UCHL3: variants seen among roughly 807,000 people sequenced by gnomAD.
The protein encoded by UCHL3 is ubiquitin C-terminal hydrolase L3, also known as ubiquitin carboxyl-terminal hydrolase isozyme L3.
UCHL3 carries 22 observed loss-of-function variants against 35.8 expected under a neutral mutation model. The observed-to-expected ratio is 0.61, with a 90% confidence interval of 0.44 to 0.88. The LOEUF is 0.88. UCHL3 is among the 40% of genes least tolerant of loss of function. The pLI is 0.00. For synonymous variants in UCHL3, 90 were observed against 92.8 expected, an observed-to-expected ratio of 0.97 and a Z score of 0.17; for missense variants, 229 against 276.9, an observed-to-expected ratio of 0.83 and a Z score of 1.23.
At chr13:75,568,934 C>G (rs1055329692) in intron 5 of UCHL3, among the ~76,000 whole-genome samples, 1 of 152,022 alleles carries the variant, frequency 6.6e-6, no homozygotes, top group East Asian at 1.9e-4. Flanking sequence ...ATAGTGGGTA[C>G]TATAAGAGTG....
intron 6 of UCHL3, chr13:75,589,909 G>A: frequency 3.1e-6 from 4 of 1,289,018 alleles, no homozygotes; most frequent in Non-Finnish European, 4.1e-6. Flanking sequence ...CGTGGTCTAA[G>A]TAAAATATTC....
chr13:75,587,895 A>G (rs1330042249), intron 6 of UCHL3, among the ~76,000 whole-genome samples: 1 of 152,116 alleles, frequency 6.6e-6, no homozygotes, highest in Non-Finnish European at 1.5e-5. Flanking sequence ...GGTTTCCCCC[A>G]GCTCAGTATT....
chr13:75,562,276 T>G (rs1216580666), intron 3 of UCHL3, among the ~76,000 whole-genome samples: 1 of 152,118 alleles, frequency 6.6e-6, no homozygotes, highest in African/African-American at 2.4e-5. Flanking sequence ...AATTATTCAA[T>G]AAAAGAAATG....
intron 2 of UCHL3, among the ~76,000 whole-genome samples, chr13:75,554,073 T>C (rs1375830162): frequency 6.6e-6 from 1 of 152,200 alleles, no homozygotes; most frequent in Non-Finnish European, 1.5e-5. Context: ...TTTTCCTTTT[T>C]TAAAGACAGG....
chr13:75,562,777 A>G (rs894752903), intron 3 of UCHL3, among the ~76,000 whole-genome samples: 2 of 152,208 alleles, frequency 1.3e-5, no homozygotes, highest in Non-Finnish European at 2.9e-5. Flanking sequence ...TGTTGAAAGG[A>G]AGAACACAGT....
intron 6 of UCHL3, among the ~76,000 whole-genome samples, chr13:75,575,811 G>A (rs2032002322): frequency 6.6e-6 from 1 of 152,194 alleles, no homozygotes; most frequent in African/African-American, 2.4e-5. Context: ...GAGTGCAGTG[G>A]CATGATCTCG....
intron 7 of UCHL3, among the ~76,000 whole-genome samples, chr13:75,601,240 A>G (rs2032775360): frequency 1.3e-5 from 2 of 152,248 alleles, no homozygotes; most frequent in African/African-American, 2.4e-5. Flanking sequence ...GATTTAGAAG[A>G]TTACATAAAT....
chr13:75,601,857 C>G (rs887250602), intron 7 of UCHL3, among the ~76,000 whole-genome samples: 2 of 152,040 alleles, frequency 1.3e-5, no homozygotes, highest in Non-Finnish European at 2.9e-5. Context: ...CGCCTGTAAT[C>G]CCAGCACTTT....
intron 7 of UCHL3, 145 bp downstream of exon 7, chr13:75,595,135 C>A: frequency 1.6e-6 from 1 of 637,650 alleles, no homozygotes; most frequent in Non-Finnish European, 2.6e-6. Flanking sequence ...CGACAGTTTT[C>A]CTTTTAAGAC....
At chr13:75,590,045 C>T in intron 6 of UCHL3, 1 of 1,304,608 alleles carries the variant, frequency 7.7e-7, no homozygotes, top group Non-Finnish European at 1.0e-6. Context: ...ACCATGTAGG[C>T]CCTGCAAAGG....
chr13:75,589,946 G>A (rs1566226384), intron 6 of UCHL3: 7 of 1,300,090 alleles, frequency 5.4e-6, no homozygotes, highest in African/African-American at 3.0e-5. Context: ...AGTCCTCCTC[G>A]CCATCCTCAT....
chr13:75,587,761 A>T (rs184199016), intron 6 of UCHL3, among the ~76,000 whole-genome samples: 94 of 152,292 alleles, frequency 6.2e-4, no homozygotes, highest in South Asian at 1.7e-3. Flanking sequence ...GAGGGCCATC[A>T]TACCTGAAGT....
rs1410959747 is a variant in UCHL3, at chr13:75,550,131, C to T, written c.54+144C>T. 14 of 1,334,730 alleles carry T rather than the reference C, an allele frequency of 1.0e-5. 1 individual carries two copies. The Admixed American group carries it at 2.5e-4, about 24-fold the overall frequency. 82.7% of individuals were successfully genotyped at this position (1,334,730 alleles called of 1,614,324 possible). A position where few individuals can be genotyped will look rare whatever the true frequency, so the allele number is the denominator to read the frequency against. On this transcript the variant is annotated intron_variant, in intron 2 of 8. Transcript: ENST00000377595. Reference sequence around the variant, plus strand: ...CCTCTTGTTCGGCTTTACGCGGGTCCGCCCCTTTCAGAAAGGGCCATCTCG... The same window carrying T: ...CCTCTTGTTCGGCTTTACGCGGGTCTGCCCCTTTCAGAAAGGGCCATCTCG...
At chr13:75,561,554 A>ATATG (rs929950142) in intron 3 of UCHL3, among the ~76,000 whole-genome samples, 2 of 151,814 alleles carry the variant, frequency 1.3e-5, no homozygotes, top group African/African-American at 4.8e-5. Context: ...ATATATATAT[A>ATATG]TAAGGAATCT....
At chr13:75,595,012 C>A in intron 7 of UCHL3, 22 bp downstream of exon 7, 2 of 1,542,592 alleles carry the variant, frequency 1.3e-6, no homozygotes, top group Non-Finnish European at 8.8e-7. Flanking sequence ...TTTAATTTGT[C>A]CTGGGGAGAG....
chr13:75,569,830 GA>G (rs1253561237), intron 6 of UCHL3, among the ~76,000 whole-genome samples: 1 of 152,174 alleles, frequency 6.6e-6, no homozygotes, highest in Non-Finnish European at 1.5e-5. Context: ...ACTATTTTGA[GA>G]AAAATACCTG....
At chr13:75,598,695 G>A (rs979820529) in intron 7 of UCHL3, among the ~76,000 whole-genome samples, 29 of 152,124 alleles carry the variant, frequency 1.9e-4, no homozygotes, top group African/African-American at 6.3e-4. Context: ...ATATCGAGAG[G>A]CACATGATGT....
chr13:75,594,415 C>T (rs2032588818), intron 6 of UCHL3, among the ~76,000 whole-genome samples: 1 of 152,156 alleles, frequency 6.6e-6, no homozygotes, highest in South Asian at 2.1e-4. Flanking sequence ...GTTTACACTG[C>T]ACTGTTGAAA....
chr13:75,560,582 T>G (rs2031458990), intron 2 of UCHL3, among the ~76,000 whole-genome samples, 171 bp from the exon 3 acceptor site: 1 of 152,256 alleles, frequency 6.6e-6, no homozygotes, highest in Admixed American at 6.5e-5. Flanking sequence ...TGTGCTGCTT[T>G]ACTGCATTCC....
Sources: allele counts gnomAD v4.1 joint callset (sites outside exome capture counted in the v4.1 genomes callset), GRCh38; gene constraint gnomAD v4.1.1; transcripts MANE v1.5; gene names NCBI Gene and HGNC (gene_info 2026-07-23, HGNC 2026-07-21).